The following HMGCLL1 variants were observed in gnomAD, a reference collection of about 807,000 sequenced individuals.
The protein encoded by HMGCLL1 is 3-hydroxy-3-methylglutaryl-CoA lyase like 1, also known as 3-hydroxymethyl-3-methylglutaryl-CoA lyase, cytoplasmic.
HMGCLL1 carries 36 observed loss-of-function variants against 39.1 expected under a neutral mutation model. The observed-to-expected ratio is 0.92, with a 90% confidence interval of 0.71 to 1.22. HMGCLL1 has a LOEUF of 1.22. HMGCLL1 is among the 50% of genes most tolerant of loss of function. The pLI, the probability that HMGCLL1 is intolerant of heterozygous loss-of-function variation, is 0.00. For missense variants in HMGCLL1, 451 were observed against 416.5 expected, an observed-to-expected ratio of 1.08 and a Z score of -0.72; for synonymous variants, 149 against 144.0, an observed-to-expected ratio of 1.03 and a Z score of -0.25.
the HMGCLL1 span, among the ~76,000 whole-genome samples, chr6:55,653,140 A>G: frequency 8.3e-4 from 127 of 152,210 alleles, 2 homozygotes; most frequent in South Asian, 0.013. Context: ...TCATTGCCAT[A>G]TTAAAGAAAC....
the HMGCLL1 span, among the ~76,000 whole-genome samples, chr6:55,675,582 T>G: frequency 3.9e-5 from 6 of 152,132 alleles, no homozygotes; most frequent in Non-Finnish European, 8.8e-5. Context: ...AGGTTCCAGG[T>G]TCCTAAGGCA....
upstream of HMGCLL1, among the ~76,000 whole-genome samples, chr6:55,581,559 C>T (rs1771986846): frequency 6.6e-6 from 1 of 151,964 alleles, no homozygotes; most frequent in African/African-American, 2.4e-5. Context: ...TAATGTACAT[C>T]TTTCTGTTCT....
At chr6:55,600,156 A>T in the HMGCLL1 span, among the ~76,000 whole-genome samples, 1 of 152,064 alleles carries the variant, frequency 6.6e-6, no homozygotes, top group African/African-American at 2.4e-5. Context: ...TTAAATCTCT[A>T]AAATCATATT....
chr6:55,541,683 G>A lies in HMGCLL1; in HGVS notation c.297+46C>T, dbSNP rs375182001. The A allele has an allele frequency of 7.6e-6, 7 of 918,992 alleles. No individual in the cohort carries two copies. In the African/African-American group the frequency reaches 1.2e-4, roughly 16 times the overall value. The allele number at this position is 918,992 out of a possible 1,614,324, so 56.9% of individuals were successfully genotyped here. ...CACAGTATTTACCAAATATTTTTTG[G>A]TGAAGTTGAATTAGGATCTAATTAA... On this transcript the variant is annotated intron_variant, in intron 3 of 8. Transcript: ENST00000274901.
chr6:55,585,640 C>T, the HMGCLL1 span, among the ~76,000 whole-genome samples: 10 of 152,034 alleles, frequency 6.6e-5, no homozygotes, highest in African/African-American at 2.4e-4. Context: ...TTTCTTTGCA[C>T]ATAATAACTG....
At chr6:55,639,918 G>GA in the HMGCLL1 span, among the ~76,000 whole-genome samples, 199 of 149,002 alleles carry the variant, frequency 1.3e-3, no homozygotes, top group African/African-American at 3.8e-3. Flanking sequence ...CTCTCTACTA[G>GA]AAAAAAAAAA....
At chr6:55,525,018 A>ATTTTTGTAAT (rs1768243182) in intron 3 of HMGCLL1, among the ~76,000 whole-genome samples, 1 of 151,226 alleles carries the variant, frequency 6.6e-6, no homozygotes, top group African/African-American at 2.4e-5. Context: ...AGTACAAAAA[A>ATTTTTGTAAT]TGATCAAACA....
the HMGCLL1 span, among the ~76,000 whole-genome samples, chr6:55,678,277 A>G: frequency 7.4e-4 from 112 of 152,324 alleles, no homozygotes; most frequent in African/African-American, 2.6e-3. Context: ...ATCCTTTATC[A>G]GAGATACAGC....
chr6:55,545,839 C>A (rs911576422), intron 1 of HMGCLL1, among the ~76,000 whole-genome samples: 1 of 151,930 alleles, frequency 6.6e-6, no homozygotes, highest in Admixed American at 6.6e-5. Flanking sequence ...CAGGAAGAGA[C>A]TAAAGATCAG....
At chr6:55,581,280 TG>T (rs1294918695), upstream of HMGCLL1, among the ~76,000 whole-genome samples, 176 of 152,260 alleles carry the variant, frequency 1.2e-3, 3 homozygotes, top group Middle Eastern at 0.017. Context: ...TAGTGATACG[TG>T]TTTTTTTACA....
chr6:55,436,832 G>C (rs1245295717), intron 8 of HMGCLL1, among the ~76,000 whole-genome samples: 2 of 151,940 alleles, frequency 1.3e-5, no homozygotes, highest in East Asian at 3.9e-4. Flanking sequence ...AGTGATACTT[G>C]TAAATTATTT....
chr6:55,610,158 G>A, the HMGCLL1 span, among the ~76,000 whole-genome samples: 1 of 152,010 alleles, frequency 6.6e-6, no homozygotes, highest in South Asian at 2.1e-4. Flanking sequence ...CTCCAGCTAG[G>A]GTACAGAACT....
chr6:55,635,481 G>C, the HMGCLL1 span, among the ~76,000 whole-genome samples: 1 of 152,150 alleles, frequency 6.6e-6, no homozygotes, highest in African/African-American at 2.4e-5. Context: ...CTACAAACAA[G>C]GGATTAAGTT....
In HMGCLL1 at chr6:55,454,655, A is replaced by G. The variant is rs570302090; in HGVS notation, c.796-15096T>C. Among the ~76,000 whole-genome samples the G allele has an allele frequency of 8.9e-4, 136 of 152,260 alleles. 2 individuals are homozygous for G. The highest frequency in any genetic ancestry group is 9.8e-4 in the Admixed American group (15 of 15,290). On this transcript the variant is annotated intron_variant, in intron 7 of 8. Transcript: ENST00000274901. ...ACAGAGCTGAATGGGCCGAATAGTCATATCTCCAGGGAAACAAGGGAGGAC... is the reference window on the plus strand; with the variant it reads ...ACAGAGCTGAATGGGCCGAATAGTCGTATCTCCAGGGAAACAAGGGAGGAC...
chr6:55,625,761 G>C, the HMGCLL1 span, among the ~76,000 whole-genome samples: 3 of 152,200 alleles, frequency 2.0e-5, no homozygotes, highest in Admixed American at 6.5e-5. Flanking sequence ...ACCATGATTG[G>C]AAAATTGGTG....
the HMGCLL1 span, among the ~76,000 whole-genome samples, chr6:55,655,509 T>C: frequency 2.7e-5 from 4 of 149,508 alleles, no homozygotes; most frequent in Admixed American, 6.8e-5. Context: ...GATAGAGAGA[T>C]AGTTGGATAG....
intron 7 of HMGCLL1, among the ~76,000 whole-genome samples, chr6:55,463,690 C>T (rs142216103): frequency 8.5e-5 from 13 of 152,228 alleles, no homozygotes; most frequent in African/African-American, 3.1e-4. Flanking sequence ...AATCTAGTAA[C>T]CCCTAGGCAT....
At chr6:55,519,908 T>C (rs1439506298) in intron 3 of HMGCLL1, among the ~76,000 whole-genome samples, 2 of 152,170 alleles carry the variant, frequency 1.3e-5, no homozygotes, top group East Asian at 1.9e-4. Context: ...ATTCTGCACA[T>C]AATTTAACAA....
chr6:55,535,213 T>TAA (rs1397500168), intron 3 of HMGCLL1, among the ~76,000 whole-genome samples: 7 of 152,328 alleles, frequency 4.6e-5, no homozygotes, highest in African/African-American at 1.7e-4. Flanking sequence ...AAATTCAACG[T>TAA]GTTTATATAA....
Sources: gnomAD v4.1 joint callset for allele counts (sites outside exome capture counted in the v4.1 genomes callset) on GRCh38, gnomAD v4.1.1 for gene constraint, MANE v1.5 for transcripts, NCBI Gene and HGNC (gene_info 2026-07-23, HGNC 2026-07-21) for gene names.